The following PRMT7 variants were observed in gnomAD, a reference collection of about 807,000 sequenced individuals.
PRMT7 encodes protein arginine N-methyltransferase 7.
A neutral mutation model predicts 85.4 loss-of-function variants in PRMT7; 75 were observed. The ratio of observed to expected loss-of-function variants is 0.88; its 90% CI spans 0.73 to 1.06. PRMT7 has a LOEUF of 1.06. Among genes scored for constraint, PRMT7 ranks in the 50% least tolerant of loss-of-function variants. The pLI, the probability that PRMT7 is intolerant of heterozygous loss-of-function variation, is 0.00. For missense variants in PRMT7, 868 were observed against 915.2 expected (o/e 0.95, Z 0.67); for synonymous variants, 397 against 359.5 (o/e 1.10, Z -1.18).
At chr16:68,351,117 G>T (rs1486896306) in intron 14 of PRMT7, among the ~76,000 whole-genome samples, 1 of 152,240 alleles carries the variant, frequency 6.6e-6, no homozygotes, top group Non-Finnish European at 1.5e-5. Flanking sequence ...GTAGACCGGG[G>T]TCACATTGAA....
intron 3 of PRMT7, among the ~76,000 whole-genome samples, chr16:68,318,546 A>G (rs1307638242): frequency 6.7e-6 from 1 of 150,080 alleles, no homozygotes; most frequent in Non-Finnish European, 1.5e-5. Context: ...TTCTTGTTTT[A>G]TTGTTCAGAT....
intron 3 of PRMT7, 36 bp downstream of exon 3, chr16:68,316,110 G>A: frequency 6.3e-7 from 1 of 1,576,020 alleles, no homozygotes; most frequent in Non-Finnish European, 8.7e-7. Flanking sequence ...GCAGCTGGGT[G>A]GGGCACTTGA....
intron 3 of PRMT7, among the ~76,000 whole-genome samples, chr16:68,317,237 C>CAG (rs1555541765): frequency 0.012 from 1,257 of 104,138 alleles, 18 homozygotes; most frequent in Non-Finnish European, 0.013. Context: ...GACTCTGTCT[C>CAG]AAAAAAAAAA....
intron 16 of PRMT7, chr16:68,355,375 G>A (rs146692555): frequency 3.4e-4 from 67 of 195,364 alleles, no homozygotes; most frequent in African/African-American, 1.5e-3. Flanking sequence ...CCTGTGGCCC[G>A]GGGCCCACCT....
chr16:68,331,372 T>C (rs1157053853), intron 6 of PRMT7, among the ~76,000 whole-genome samples: 1 of 152,212 alleles, frequency 6.6e-6, no homozygotes, highest in Non-Finnish European at 1.5e-5. Flanking sequence ...AGGGATTTCT[T>C]GGATAGGTCT....
rs1313906499 is a variant in PRMT7, at chr16:68,358,129, C to T, written c.*905C>T. On this transcript the variant is annotated 3_prime_UTR_variant, in exon 19 of 19. Transcript: ENST00000441236. ...CGTGAGAGAACCCAGTGGCCTCTGG[C>T]TCGCAGCTTAGAAGGTGAGGCTTGT... 6.6e-6 allele frequency: 1 copy of T among 152,328 alleles called. No individual in the cohort carries two copies. The highest frequency in any genetic ancestry group is 1.5e-5 in the Non-Finnish European group (1 of 68,086). The allele number at this position is 152,328 out of a possible 1,614,324, so 9.4% of individuals were successfully genotyped here.
downstream of PRMT7, chr16:68,360,578 G>GTAAT (rs1005930421): frequency 6.5e-6 from 1 of 153,030 alleles, no homozygotes; most frequent in African/African-American, 2.4e-5. Context: ...TTTTTAAAAT[G>GTAAT]TAATTGCCCT....
chr16:68,344,670 C>G (rs1438786641), intron 9 of PRMT7, among the ~76,000 whole-genome samples: 4 of 152,000 alleles, frequency 2.6e-5, no homozygotes, highest in Non-Finnish European at 5.9e-5. Flanking sequence ...AGGACTAGCA[C>G]AGCTTATTAA....
In PRMT7 at chr16:68,311,045, C is replaced by T. The variant is rs777623045; in HGVS notation, c.-273C>T. On this transcript the variant is annotated 5_prime_UTR_variant, in exon 1 of 19. Transcript: ENST00000441236. ...ACGCTGCGAGGTCCCGCCCCGCGTG[C>T]TGGCCGCGGTAAAAGTGGTAGCAGC... The T allele has an allele frequency of 1.6e-4, 147 of 907,714 alleles. 1 individual carries two copies. The highest frequency in any genetic ancestry group is 1.1e-3 in the Middle Eastern group (5 of 4,566). 56.2% of individuals were successfully genotyped at this position (907,714 alleles called of 1,614,324 possible).
intron 15 of PRMT7, among the ~76,000 whole-genome samples, chr16:68,353,238 G>GC (rs1374570904): frequency 6.6e-6 from 1 of 152,182 alleles, no homozygotes; most frequent in African/African-American, 2.4e-5. Flanking sequence ...GGAGTGTGCA[G>GC]CCCCCAGCCT....
intron 15 of PRMT7, 82 bp from the exon 16 acceptor site, chr16:68,353,410 C>A (rs1184806056): frequency 6.3e-7 from 1 of 1,598,660 alleles, no homozygotes; most frequent in African/African-American, 1.3e-5. Context: ...CAGGGAACAG[C>A]AAGATGTGCC....
At chr16:68,321,487 C>T (rs200007262) in intron 4 of PRMT7, 25 bp downstream of exon 4, 1 of 1,588,256 alleles carries the variant, frequency 6.3e-7, no homozygotes, top group Admixed American at 1.7e-5. Context: ...AAACTATTAT[C>T]TTGATGTGGG....
intron 10 of PRMT7, 52 bp from the exon 11 acceptor site, chr16:68,346,093 G>A (rs2086314854): frequency 5.0e-6 from 8 of 1,607,156 alleles, no homozygotes; most frequent in Non-Finnish European, 6.8e-6. Context: ...GCCCTCTGGA[G>A]ACCTGTGGAG....
chr16:68,311,123 A>C (rs1232054616), intron 1 of PRMT7, 24 bp downstream of exon 1: 8 of 686,406 alleles, frequency 1.2e-5, no homozygotes, highest in Non-Finnish European at 2.1e-5. Flanking sequence ...TATGCTGGGA[A>C]GGTGGGGTCG....
chr16:68,317,068 C>A (rs1778969878), intron 3 of PRMT7: 1 of 151,522 alleles, frequency 6.6e-6, no homozygotes, highest in Non-Finnish European at 1.5e-5. Context: ...CACGGTGAAA[C>A]CCCGTCTCTA....
chr16:68,343,127 C>T lies in PRMT7; in HGVS notation c.928-2548C>T, dbSNP rs368829037. Among the ~76,000 whole-genome samples, 5 of 152,168 alleles carry T rather than the reference C, an allele frequency of 3.3e-5. No individual in the cohort carries two copies. The East Asian group carries it at 7.7e-4, about 23-fold the overall frequency. On this transcript the variant is annotated intron_variant, in intron 9 of 18. Coordinates refer to ENST00000441236, the MANE Select transcript of PRMT7 (RefSeq NM_019023.5). ...GCTGAGGCAGGAGAATCACTTCAAC[C>T]TGGGAGGTGGAGGTTGCAGTAAGCT...
chr16:68,353,327 T>G, intron 15 of PRMT7, 165 bp from the exon 16 acceptor site: 1 of 1,423,718 alleles, frequency 7.0e-7, no homozygotes, highest in Non-Finnish European at 9.2e-7. Flanking sequence ...CCCAGCCCAG[T>G]CTGTTACAGA....
Position 68,353,535 on chromosome 16 carries a change from T to C in PRMT7, c.1619T>C (p.Phe540Ser). ...IRSPCGDCEGFDVHIMDDMIK... is the reference protein window; with the variant it reads ...IRSPCGDCEGSDVHIMDDMIK... The stretch of plus-strand genomic sequence containing the variant: ...AGCCCCTGTGGTGACTGCGAAGGCT[T>C]CGACGTGCACATCATGGACGACATG... The change falls in exon 16 of 19, where the codon TTC becomes TCC. Residue 540 changes from phenylalanine to serine, a missense_variant. Transcript: ENST00000441236. The C allele has an allele frequency of 6.2e-7, 1 of 1,602,850 alleles. No homozygotes were observed. The highest frequency in any genetic ancestry group is 1.1e-5 in the South Asian group (1 of 89,080).
chr16:68,349,880 G>C (rs558529099), intron 14 of PRMT7, among the ~76,000 whole-genome samples: 2 of 152,266 alleles, frequency 1.3e-5, no homozygotes, highest in East Asian at 3.9e-4. Context: ...GGCTGACAGA[G>C]TGATACCTTG....
Sources: allele counts gnomAD v4.1 joint callset (sites outside exome capture counted in the v4.1 genomes callset), GRCh38; gene constraint gnomAD v4.1.1; transcripts MANE v1.5; gene names NCBI Gene and HGNC (gene_info 2026-07-23, HGNC 2026-07-21).